KCTD16: variants seen among roughly 807,000 people sequenced by gnomAD.
The protein encoded by KCTD16 is BTB/POZ domain-containing protein KCTD16.
Under a neutral mutation model 33.2 loss-of-function variants are expected in KCTD16, and 13 were observed. The ratio of observed to expected loss-of-function variants is 0.39; its 90% CI spans 0.25 to 0.62. The LOEUF (loss-of-function observed/expected upper bound fraction) is 0.62. Among genes scored for constraint, KCTD16 ranks in the 20% least tolerant of loss-of-function variants. The probability of loss-of-function intolerance (pLI) is 0.50; values close to 1 mark genes in which losing one functional copy is unlikely to be tolerated. For synonymous variants in KCTD16, 197 were observed against 195.3 expected (o/e 1.01, Z -0.07); for missense variants, 441 against 525.1 (o/e 0.84, Z 1.57).
chr5:144,205,395 G>T (rs1753138166), intron 2 of KCTD16: 3 of 397,550 alleles, frequency 7.5e-6, no homozygotes, highest in Non-Finnish European at 1.3e-5. Flanking sequence ...AACAGCATCC[G>T]AACTGCACTG....
rs578109784 is a variant in KCTD16, at chr5:144,456,072, C to T, written c.833-17588C>T. 3.4e-4 allele frequency among the ~76,000 whole-genome samples: 52 copies of T among 152,204 alleles called. 3 individuals are homozygous for T. The South Asian group carries it at 0.011, about 31-fold the overall frequency. On this transcript the variant is annotated intron_variant, in intron 3 of 3. Coordinates refer to ENST00000512467, the MANE Select transcript of KCTD16 (RefSeq NM_020768.4). Reference sequence around the variant, plus strand: ...TACTTGTAGCTATAAATATCTGATTCACACACCTCCCTCAAATGATAGGAA... The same window carrying T: ...TACTTGTAGCTATAAATATCTGATTTACACACCTCCCTCAAATGATAGGAA...
At chr5:144,220,431 A>G (rs928562522) in intron 3 of KCTD16, among the ~76,000 whole-genome samples, 2 of 152,120 alleles carry the variant, frequency 1.3e-5, no homozygotes, top group African/African-American at 2.4e-5. Context: ...TATCCTCAGC[A>G]CCTAGTATAG....
intron 3 of KCTD16, among the ~76,000 whole-genome samples, chr5:144,232,980 C>T (rs566992108): frequency 1.1e-4 from 17 of 152,090 alleles, no homozygotes; most frequent in South Asian, 4.1e-4. Flanking sequence ...TGCATTTTAA[C>T]GAGTCTCATG....
intron 3 of KCTD16, among the ~76,000 whole-genome samples, chr5:144,393,599 A>G (rs1329945332): frequency 1.3e-5 from 2 of 152,100 alleles, no homozygotes; most frequent in Non-Finnish European, 2.9e-5. Context: ...GTATACATAT[A>G]CATATATGTA....
At chr5:144,238,902 G>A (rs1754326956) in intron 3 of KCTD16, among the ~76,000 whole-genome samples, 2 of 152,092 alleles carry the variant, frequency 1.3e-5, no homozygotes, top group African/African-American at 4.8e-5. Flanking sequence ...CCTACAAGGA[G>A]CTTAAAGTTC....
In KCTD16 at chr5:144,299,044, C is replaced by CTATATATATATA. The variant is rs10589565; in HGVS notation, c.832+91516_832+91527dup. On this transcript the variant is annotated intron_variant, in intron 3 of 3. Transcript: ENST00000512467. ...TGCTATGAATAAGTAAAACAGATCA[C>CTATATATATATA]TATATATATATATATATATATATAT... Among the ~76,000 whole-genome samples, 50 of 35,950 alleles carry CTATATATATATA rather than the reference C, an allele frequency of 1.4e-3. 1 individual carries two copies. The highest frequency in any genetic ancestry group is 2.2e-3 in the Non-Finnish European group (39 of 18,008). The allele number at this position is 35,950 out of a possible 152,430, so 23.6% of individuals were successfully genotyped here.
intron 3 of KCTD16, among the ~76,000 whole-genome samples, chr5:144,272,784 A>G (rs1340522824): frequency 1.3e-5 from 2 of 152,112 alleles, no homozygotes; most frequent in African/African-American, 2.4e-5. Flanking sequence ...CATATGCAAA[A>G]TCATAATTTC....
chr5:144,372,282 A>T (rs1751986225), intron 3 of KCTD16, among the ~76,000 whole-genome samples: 2 of 152,174 alleles, frequency 1.3e-5, no homozygotes, highest in Non-Finnish European at 2.9e-5. Flanking sequence ...TCAGTTAGAA[A>T]ATGTATACCC....
At chr5:144,302,842 TA>T (rs1341100027) in intron 3 of KCTD16, among the ~76,000 whole-genome samples, 6 of 152,328 alleles carry the variant, frequency 3.9e-5, no homozygotes, top group African/African-American at 1.4e-4. Flanking sequence ...ACAGAATGAT[TA>T]AAAAGCCCAC....
intron 3 of KCTD16, among the ~76,000 whole-genome samples, chr5:144,412,106 A>G (rs1344534182): frequency 1.3e-5 from 2 of 152,196 alleles, no homozygotes; most frequent in Non-Finnish European, 2.9e-5. Context: ...ACTATGGAAA[A>G]CTATAACATT....
At position 144,475,664 on chromosome 5, in the gene KCTD16, T is replaced by A. The variant is rs1053817023; in HGVS notation, c.*1550T>A. 1 of 152,648 alleles carries A rather than the reference T, an allele frequency of 6.6e-6. No individual in the cohort carries two copies. The highest frequency in any genetic ancestry group is 2.4e-5 in the African/African-American group (1 of 41,462). 9.5% of individuals were successfully genotyped at this position (152,648 alleles called of 1,614,324 possible). ...GCCAAGCACTCCTAATTTGTTTTAT[T>A]GCGTGTGTGTGCATGTGTGTATGTG... On this transcript the variant is annotated 3_prime_UTR_variant, in exon 4 of 4. Transcript: ENST00000512467.
intron 3 of KCTD16, among the ~76,000 whole-genome samples, chr5:144,217,657 A>C (rs181328667): frequency 6.6e-6 from 1 of 152,328 alleles, no homozygotes. Context: ...TGTTCAGTTA[A>C]AATGGGTAGA....
chr5:144,330,186 G>A (rs1752316849), intron 3 of KCTD16, among the ~76,000 whole-genome samples: 1 of 152,130 alleles, frequency 6.6e-6, no homozygotes, highest in Non-Finnish European at 1.5e-5. Context: ...GCCAAGGTGG[G>A]TGGATCACCT....
At chr5:144,351,744 A>T (rs549642354) in intron 3 of KCTD16, among the ~76,000 whole-genome samples, 1 of 152,336 alleles carries the variant, frequency 6.6e-6, no homozygotes, top group African/African-American at 2.4e-5. Flanking sequence ...AAATCCTGTC[A>T]TTTGCAACAA....
In KCTD16 at chr5:144,292,581, G is replaced by A. The variant is rs142024165; in HGVS notation, c.832+85035G>A. ...AACTGTTCAATATGGATTACACCACGTTTGAACTAACATCAAAATTCTGTA... is the reference window on the plus strand; with the variant it reads ...AACTGTTCAATATGGATTACACCACATTTGAACTAACATCAAAATTCTGTA... On this transcript the variant is annotated intron_variant, in intron 3 of 3. Transcript: ENST00000512467. Among the ~76,000 whole-genome samples, 821 of 152,258 alleles carry A rather than the reference G, an allele frequency of 5.4e-3. 9 individuals carry two copies. The highest frequency in any genetic ancestry group is 0.019 in the African/African-American group (782 of 41,538).
rs1400414488 is a variant in KCTD16 at position 144,478,333 on chromosome 5, C to T, written c.*4219C>T. 1 of 152,024 alleles carries T rather than the reference C, an allele frequency of 6.6e-6. No individual in the cohort carries two copies. Among genetic ancestry groups the T allele is most frequent in the African/African-American group, 2.4e-5 (1 of 41,432 alleles). The allele number at this position is 152,024 out of a possible 1,614,324, so 9.4% of individuals were successfully genotyped here. A position where few individuals can be genotyped will look rare whatever the true frequency, so the allele number is the denominator to read the frequency against. ...GGTTTCAGACGAAATGGTTATTGCT[C>T]TCTACCCCTGCTGAAAGAATAGAGT... On this transcript the variant is annotated 3_prime_UTR_variant, in exon 4 of 4. Coordinates refer to ENST00000512467, the MANE Select transcript of KCTD16 (RefSeq NM_020768.4).
chr5:144,411,928 G>A (rs999087513), intron 3 of KCTD16, among the ~76,000 whole-genome samples: 109 of 152,186 alleles, frequency 7.2e-4, no homozygotes, highest in Admixed American at 7.8e-4. Flanking sequence ...TAAAAAAATT[G>A]CCAAATCATG....
chr5:144,216,774 G>C (rs1186657099), intron 3 of KCTD16, among the ~76,000 whole-genome samples: 1 of 151,552 alleles, frequency 6.6e-6, no homozygotes, highest in Non-Finnish European at 1.5e-5. Flanking sequence ...AACCCGGGAG[G>C]TGGAGGTTGC....
At chr5:144,333,367 T>C (rs1334261640) in intron 3 of KCTD16, among the ~76,000 whole-genome samples, 1 of 152,208 alleles carries the variant, frequency 6.6e-6, no homozygotes, top group Non-Finnish European at 1.5e-5. Context: ...GCTGTTCTTC[T>C]GCTCTTCTCA....
Sources: allele counts gnomAD v4.1 joint callset (sites outside exome capture counted in the v4.1 genomes callset), GRCh38; gene constraint gnomAD v4.1.1; transcripts MANE v1.5; gene names NCBI Gene and HGNC (gene_info 2026-07-23, HGNC 2026-07-21).